MAGI1: variants seen among roughly 807,000 people sequenced by gnomAD.
MAGI1 encodes membrane-associated guanylate kinase, WW and PDZ domain-containing protein 1.
A neutral mutation model predicts 139.9 loss-of-function variants in MAGI1; 58 were observed. The observed-to-expected ratio is 0.41, with a 90% CI of 0.34 to 0.52. MAGI1 has a LOEUF of 0.52. MAGI1 is among the 20% of genes least tolerant of loss of function. MAGI1 has a pLI of 0.12. For missense variants in MAGI1, 1,874 were observed against 1,901.6 expected (o/e 0.99, Z 0.27); for synonymous variants, 812 against 737.9 (o/e 1.10, Z -1.63).
At chr3:65,504,707 C>A (rs1030140136) in intron 2 of MAGI1, among the ~76,000 whole-genome samples, 3 of 152,180 alleles carry the variant, frequency 2.0e-5, no homozygotes, top group Non-Finnish European at 1.5e-5. Context: ...GCTGGTAAAA[C>A]CCTTCCCCAC....
At chr3:65,544,798 T>C (rs1183562929) in intron 2 of MAGI1, among the ~76,000 whole-genome samples, 1 of 152,164 alleles carries the variant, frequency 6.6e-6, no homozygotes, top group African/African-American at 2.4e-5. Context: ...ATATAAGCTG[T>C]CAGAAATATT....
At chr3:65,510,031 C>A (rs562920951) in intron 2 of MAGI1, among the ~76,000 whole-genome samples, 1 of 152,100 alleles carries the variant, frequency 6.6e-6, no homozygotes, top group Non-Finnish European at 1.5e-5. Flanking sequence ...GAGGCAGCCC[C>A]CAGCAGGGGC....
At chr3:65,610,792 A>G (rs938605899) in intron 2 of MAGI1, among the ~76,000 whole-genome samples, 4 of 142,172 alleles carry the variant, frequency 2.8e-5, no homozygotes, top group South Asian at 4.3e-4. Context: ...TATAGTATAT[A>G]TAGTATATAT....
chr3:65,491,729 G>A (rs1952050063), intron 3 of MAGI1, among the ~76,000 whole-genome samples: 1 of 134,012 alleles, frequency 7.5e-6, no homozygotes, highest in African/African-American at 2.9e-5. Context: ...CCTAGACCTC[G>A]ATTACTCTCA....
At chr3:66,034,846 C>T (rs2068829626) in intron 1 of MAGI1, among the ~76,000 whole-genome samples, 1 of 151,788 alleles carries the variant, frequency 6.6e-6, no homozygotes, top group Non-Finnish European at 1.5e-5. Context: ...TGCATTAGTT[C>T]ATTTTTATGA....
At chr3:65,388,263 C>T (rs544126432) in intron 14 of MAGI1, among the ~76,000 whole-genome samples, 1 of 152,078 alleles carries the variant, frequency 6.6e-6, no homozygotes, top group African/African-American at 2.4e-5. Context: ...TGAAGGAATG[C>T]GTTCACAGAT....
chr3:65,527,809 G>A (rs907781190), intron 2 of MAGI1, among the ~76,000 whole-genome samples: 5 of 151,824 alleles, frequency 3.3e-5, no homozygotes, highest in Admixed American at 2.6e-4. Flanking sequence ...CAACTACTCA[G>A]GAGGCTGAGG....
intron 1 of MAGI1, chr3:65,688,360 C>T (rs1576737764): frequency 3.1e-6 from 2 of 636,852 alleles, no homozygotes; most frequent in East Asian, 3.9e-5. Flanking sequence ...GTAACACCTT[C>T]AGAAAAGGCT....
intron 2 of MAGI1, among the ~76,000 whole-genome samples, chr3:65,557,312 C>T (rs1452423576): frequency 2.0e-5 from 3 of 152,224 alleles, no homozygotes; most frequent in Non-Finnish European, 1.5e-5. Context: ...CCTGCTACCA[C>T]GTGGTAAGAG....
At chr3:65,615,376 G>A (rs1180055368) in intron 2 of MAGI1, among the ~76,000 whole-genome samples, 1 of 152,176 alleles carries the variant, frequency 6.6e-6, no homozygotes, top group Non-Finnish European at 1.5e-5. Flanking sequence ...GGATCAGACA[G>A]AGTCCCCAAG....
chr3:65,723,385 AAG>A (rs1195962030), intron 1 of MAGI1, among the ~76,000 whole-genome samples: 1 of 152,192 alleles, frequency 6.6e-6, no homozygotes, highest in Non-Finnish European at 1.5e-5. Context: ...GGAAGGTGTT[AAG>A]AGTTTCCCCA....
chr3:65,765,346 T>A (rs935019949), intron 1 of MAGI1, among the ~76,000 whole-genome samples: 12 of 152,176 alleles, frequency 7.9e-5, no homozygotes, highest in Non-Finnish European at 1.2e-4. Flanking sequence ...TTATTTGAGG[T>A]AAGGCCAAGC....
At chr3:65,437,101 A>T in intron 10 of MAGI1, 54 bp downstream of exon 10, 1 of 1,307,442 alleles carries the variant, frequency 7.6e-7, no homozygotes, top group Non-Finnish European at 1.1e-6. Flanking sequence ...TACCTTAAAA[A>T]AAATTAGATT....
At chr3:65,683,316 G>C (rs1464239369) in intron 1 of MAGI1, among the ~76,000 whole-genome samples, 2 of 152,102 alleles carry the variant, frequency 1.3e-5, no homozygotes, top group African/African-American at 4.8e-5. Context: ...ATGTGTCAGT[G>C]TATGTTCTCC....
chr3:65,683,457 TA>T, intron 1 of MAGI1, among the ~76,000 whole-genome samples: 2 of 150,076 alleles, frequency 1.3e-5, no homozygotes, highest in African/African-American at 2.5e-5. Context: ...AAAACTGCTC[TA>T]AAAAAATAAA....
chr3:65,505,836 G>A (rs1477283876), intron 2 of MAGI1, among the ~76,000 whole-genome samples: 1 of 151,864 alleles, frequency 6.6e-6, no homozygotes, highest in African/African-American at 2.4e-5. Flanking sequence ...CAATAAAGTT[G>A]TTAAAAAAAC....
chr3:65,434,429 G>A (rs924351073), intron 10 of MAGI1, among the ~76,000 whole-genome samples: 2 of 152,168 alleles, frequency 1.3e-5, no homozygotes, highest in African/African-American at 4.8e-5. Flanking sequence ...CTTGAAGCTG[G>A]AGAGTTTTCA....
At chr3:65,493,884 G>C (rs1209593718) in intron 2 of MAGI1, among the ~76,000 whole-genome samples, 1 of 152,136 alleles carries the variant, frequency 6.6e-6, no homozygotes, top group Non-Finnish European at 1.5e-5. Context: ...GGGTAACCTA[G>C]AGAGAGTTTT....
chr3:65,589,063 G>T (rs375178503), intron 2 of MAGI1, among the ~76,000 whole-genome samples: 57 of 152,286 alleles, frequency 3.7e-4, no homozygotes, highest in African/African-American at 1.3e-3. Flanking sequence ...GTTAGGTTCA[G>T]AGCAGGGATA....
Sources: gnomAD v4.1 joint callset for allele counts (sites outside exome capture counted in the v4.1 genomes callset) on GRCh38, gnomAD v4.1.1 for gene constraint, MANE v1.5 for transcripts, NCBI Gene and HGNC (gene_info 2026-07-23, HGNC 2026-07-21) for gene names.